The following CCDC18 variants were observed in gnomAD, a reference collection of about 807,000 sequenced individuals.
The protein encoded by CCDC18 is coiled-coil domain containing 18, also known as coiled-coil domain-containing protein 18.
A neutral mutation model predicts 196.0 loss-of-function variants in CCDC18; 157 were observed. The ratio of observed to expected loss-of-function variants is 0.80; its 90% CI spans 0.70 to 0.91. The LOEUF is 0.91. CCDC18 is among the 40% of genes least tolerant of loss of function. CCDC18 has a pLI of 0.00. For synonymous variants in CCDC18, 482 were observed against 529.2 expected (o/e 0.91, Z 1.22); for missense variants, 1,465 against 1,611.6 (o/e 0.91, Z 1.56).
At chr1:93,186,283 A>T in intron 3 of CCDC18, 62 bp from the exon 4 acceptor site, 1 of 1,447,184 alleles carries the variant, frequency 6.9e-7, no homozygotes, top group Non-Finnish European at 9.5e-7. Flanking sequence ...ATTTTCCATT[A>T]ATTACATGTA....
intron 19 of CCDC18, among the ~76,000 whole-genome samples, chr1:93,237,878 AT>A (rs1423484747): frequency 2.6e-5 from 4 of 152,144 alleles, no homozygotes; most frequent in African/African-American, 9.7e-5. Context: ...CTCCCATGGA[AT>A]TTATCTTGTG....
chr1:93,265,094 T>C (rs981966470), intron 27 of CCDC18, 193 bp downstream of exon 27: 1 of 510,080 alleles, frequency 2.0e-6, no homozygotes, highest in African/African-American at 1.9e-5. Flanking sequence ...GTAGAAGATA[T>C]AATTTATAAA....
chr1:93,205,525 G>A lies in CCDC18; in HGVS notation c.811G>A (p.Glu271Lys). The stretch of plus-strand genomic sequence containing the variant: ...ATTGTTTTAGGTTCAAGCTGAAGAA[G>A]AAATATTAGAGAGAAATCTAACTAA... ...EKLEKVQAEE[E>K]ILERNLTNCE... Residue 271 changes from glutamate (E) to lysine (K), a missense_variant, in exon 8 of 29, where the codon GAA (glutamate) becomes AAA (lysine). Transcript: ENST00000690025. 1 of 1,588,666 alleles carries A rather than the reference G, an allele frequency of 6.3e-7. No homozygotes were observed. The highest frequency in any genetic ancestry group is 8.6e-7 in the Non-Finnish European group (1 of 1,166,484).
chr1:93,233,402 TTTG>T (rs1407587268), intron 18 of CCDC18, among the ~76,000 whole-genome samples: 2 of 152,254 alleles, frequency 1.3e-5, no homozygotes, highest in African/African-American at 4.8e-5. Flanking sequence ...ACATTCTTAT[TTTG>T]TTTTTTCTTT....
intron 23 of CCDC18, among the ~76,000 whole-genome samples, chr1:93,249,919 T>A (rs1450279290): frequency 6.6e-6 from 1 of 152,190 alleles, no homozygotes; most frequent in Non-Finnish European, 1.5e-5. Flanking sequence ...TTATGTTGTA[T>A]ATCCATTTTT....
At chr1:93,198,662 T>A (rs1010028538) in intron 6 of CCDC18, among the ~76,000 whole-genome samples, 7 of 152,164 alleles carry the variant, frequency 4.6e-5, no homozygotes, top group South Asian at 2.1e-4. Context: ...AATTTTTTTT[T>A]AAAGAAATAT....
At chr1:93,264,398 A>G (rs1379666004) in intron 26 of CCDC18, among the ~76,000 whole-genome samples, 3 of 152,136 alleles carry the variant, frequency 2.0e-5, no homozygotes, top group Non-Finnish European at 4.4e-5. Flanking sequence ...CAAATACCCA[A>G]TCATTGTTCA....
intron 14 of CCDC18, among the ~76,000 whole-genome samples, chr1:93,221,296 T>C (rs949800000): frequency 1.3e-5 from 2 of 152,174 alleles, no homozygotes; most frequent in Admixed American, 6.5e-5. Context: ...CATCTGTTTT[T>C]TGACTTTTTA....
intron 21 of CCDC18, 84 bp from the exon 22 acceptor site, chr1:93,246,021 G>A (rs1259009057): frequency 1.3e-6 from 1 of 777,242 alleles, no homozygotes; most frequent in East Asian, 2.8e-5. Flanking sequence ...TTAATTTATA[G>A]AAGAGGTAAC....
chr1:93,236,549 C>T (rs1022225309), intron 19 of CCDC18, among the ~76,000 whole-genome samples, 159 bp downstream of exon 19: 7 of 152,170 alleles, frequency 4.6e-5, no homozygotes, highest in African/African-American at 1.7e-4. Flanking sequence ...TCATATCTCT[C>T]ATTATGCTTT....
At chr1:93,255,769 G>GGAAGAGGAGGAAGAGGAA (rs1662875114) in intron 24 of CCDC18, among the ~76,000 whole-genome samples, 7 of 145,120 alleles carry the variant, frequency 4.8e-5, no homozygotes, top group African/African-American at 1.1e-4. Context: ...AAGAAGAGGA[G>GGAAGAGGAGGAAGAGGAA]GAAGAGGAAG....
chr1:93,236,479 T>A, intron 19 of CCDC18, 89 bp downstream of exon 19: 2 of 1,250,400 alleles, frequency 1.6e-6, no homozygotes, highest in Non-Finnish European at 2.2e-6. Context: ...GTGGAGCATT[T>A]GCTTGAGGAA....
intron 9 of CCDC18, among the ~76,000 whole-genome samples, chr1:93,209,142 G>C (rs1163435912): frequency 6.6e-6 from 1 of 152,110 alleles, no homozygotes; most frequent in Non-Finnish European, 1.5e-5. Context: ...ATTTTTAGTA[G>C]AGACAGGGTT....
chr1:93,258,823 C>CA lies in CCDC18; in HGVS notation c.3624dup (p.Ala1209SerfsTer36). On this transcript the variant is annotated frameshift_variant, in exon 26 of 29. Transcript: ENST00000690025. LOFTEE classifies it high-confidence loss of function. The stretch of plus-strand genomic sequence containing the variant: ...TGAAGCTCATTTAGAAGCAAGAATG[C>CA]AAGCAGAAATCAAGAAATTGTCAGC... The CA allele has an allele frequency of 6.2e-7, 1 of 1,600,670 alleles. No individual in the cohort carries two copies. The highest frequency in any genetic ancestry group is 8.5e-7 in the Non-Finnish European group (1 of 1,173,962).
In CCDC18 at chr1:93,232,512, TCAG is replaced by T; in HGVS notation, c.2382_2384del (p.Gln798del). 6.2e-7 allele frequency: 1 copy of T among 1,612,826 alleles called. No homozygotes were observed. The highest frequency in any genetic ancestry group is 8.5e-7 in the Non-Finnish European group (1 of 1,178,932). ...AAAACGTTATTCTACAGCATACTCT[TCAG>T]CAACAGCAGCAAATGTTACAACAAG... is the stretch of plus-strand genomic sequence containing the variant. On this transcript the variant is annotated inframe_deletion, in exon 18 of 29. Transcript: ENST00000690025.
chr1:93,255,493 G>A (rs2101076452), intron 24 of CCDC18, among the ~76,000 whole-genome samples: 1 of 152,264 alleles, frequency 6.6e-6, no homozygotes, highest in South Asian at 2.1e-4. Flanking sequence ...CATTTTGGGA[G>A]GCCAAGTTGG....
At chr1:93,188,859 G>A (rs1331093838) in intron 4 of CCDC18, among the ~76,000 whole-genome samples, 7 of 152,126 alleles carry the variant, frequency 4.6e-5, no homozygotes, top group Non-Finnish European at 1.0e-4. Context: ...TGGGTACATA[G>A]TAGGCGTATA....
intron 18 of CCDC18, among the ~76,000 whole-genome samples, chr1:93,235,327 A>G (rs1184014198): frequency 6.6e-6 from 1 of 151,648 alleles, no homozygotes; most frequent in Non-Finnish European, 1.5e-5. Flanking sequence ...TCCCTGAGGG[A>G]TGTGATACAT....
chr1:93,251,157 C>G (rs1021912432), intron 23 of CCDC18, among the ~76,000 whole-genome samples: 2 of 152,032 alleles, frequency 1.3e-5, no homozygotes, highest in African/African-American at 2.4e-5. Flanking sequence ...TAGAAAACAT[C>G]CTATTGTTAT....
Sources: allele counts gnomAD v4.1 joint callset (sites outside exome capture counted in the v4.1 genomes callset), GRCh38; gene constraint gnomAD v4.1.1; transcripts MANE v1.5; gene names NCBI Gene and HGNC (gene_info 2026-07-23, HGNC 2026-07-21).